The following EIPR1 variants were observed in gnomAD, a reference collection of about 807,000 sequenced individuals.
The protein encoded by EIPR1 is EARP complex and GARP complex interacting protein 1, also known as EARP and GARP complex-interacting protein 1.
A neutral mutation model predicts 48.1 loss-of-function variants in EIPR1; 25 were observed. The observed-to-expected ratio is 0.52, with a 90% CI of 0.38 to 0.73. The LOEUF is 0.73. EIPR1 is among the 30% of genes least tolerant of loss of function. The pLI is 0.00. For synonymous variants in EIPR1, 204 were observed against 201.9 expected (o/e 1.01, Z -0.09); for missense variants, 415 against 506.2 (o/e 0.82, Z 1.73).
intron 2 of EIPR1, among the ~76,000 whole-genome samples, chr2:3,354,333 A>G (rs113810197): frequency 6.6e-6 from 1 of 152,280 alleles, no homozygotes; most frequent in Non-Finnish European, 1.5e-5. Flanking sequence ...TACGGAAGTC[A>G]TGCCAAACAG....
In EIPR1 at chr2:3,238,013, C is replaced by T. The variant is rs530293611; in HGVS notation, c.416+19286G>A. Among the ~76,000 whole-genome samples, 9 of 152,252 alleles carry T rather than the reference C, an allele frequency of 5.9e-5. No homozygotes were observed. The South Asian group carries it at 1.0e-3, about 18-fold the overall frequency. ...CTTCCAAATGTGCAAACAGCTTCAA[C>T]GACAAAGGCTTATCTCACCCAAATG... On this transcript the variant is annotated intron_variant, in intron 4 of 8. Coordinates refer to ENST00000382125, the MANE Select transcript of EIPR1 (RefSeq NM_003310.5).
rs530312744 is a variant in EIPR1 at position 3,310,608 on chromosome 2, C to G, written c.259+27409G>C. Among the ~76,000 whole-genome samples, 575 of 147,270 alleles carry G rather than the reference C, an allele frequency of 3.9e-3. 4 individuals carry two copies. The highest frequency in any genetic ancestry group is 0.013 in the African/African-American group (511 of 39,604). ...GCGGAGCTTGCAGTGAGCCGAGATC[C>G]CGCCACTGCACTCCAGCCTGGGCGA... On this transcript the variant is annotated intron_variant, in intron 3 of 8. Coordinates refer to ENST00000382125, the MANE Select transcript of EIPR1 (RefSeq NM_003310.5).
At chr2:3,322,365 G>A (rs189695294) in intron 3 of EIPR1, among the ~76,000 whole-genome samples, 1 of 152,138 alleles carries the variant, frequency 6.6e-6, no homozygotes, top group African/African-American at 2.4e-5. Flanking sequence ...GTTTTGTCTC[G>A]ATCACAACAA....
chr2:3,232,095 T>C (rs1483100023), intron 4 of EIPR1, among the ~76,000 whole-genome samples: 1 of 152,240 alleles, frequency 6.6e-6, no homozygotes, highest in Non-Finnish European at 1.5e-5. Context: ...TTCTAGGTTA[T>C]CCAATTTGTT....
intron 3 of EIPR1, among the ~76,000 whole-genome samples, chr2:3,267,654 G>A (rs936487346): frequency 6.6e-6 from 1 of 152,266 alleles, no homozygotes; most frequent in African/African-American, 2.4e-5. Context: ...GGCAAGGCCA[G>A]CAGTGCCTGT....
At chr2:3,336,809 A>AG in intron 3 of EIPR1, among the ~76,000 whole-genome samples, 1 of 150,626 alleles carries the variant, frequency 6.6e-6, no homozygotes, top group Admixed American at 6.7e-5. Flanking sequence ...AGAAAAGAAA[A>AG]GGAAAAGAAA....
chr2:3,280,386 G>A (rs1048409467), intron 3 of EIPR1, among the ~76,000 whole-genome samples: 12 of 152,290 alleles, frequency 7.9e-5, no homozygotes, highest in Admixed American at 6.5e-4. Flanking sequence ...CAGGTGCCTC[G>A]AGGCGGCATC....
intron 3 of EIPR1, among the ~76,000 whole-genome samples, chr2:3,292,941 G>C (rs903051770): frequency 6.6e-6 from 1 of 151,928 alleles, no homozygotes; most frequent in Non-Finnish European, 1.5e-5. Flanking sequence ...ACGAGAAAGG[G>C]AGAGAGAACG....
At chr2:3,307,004 A>G (rs1308166329) in intron 3 of EIPR1, among the ~76,000 whole-genome samples, 3 of 151,196 alleles carry the variant, frequency 2.0e-5, no homozygotes, top group Non-Finnish European at 4.4e-5. Flanking sequence ...GTCTTGCTCT[A>G]TTGCCCAGGC....
intron 4 of EIPR1, among the ~76,000 whole-genome samples, chr2:3,249,026 T>C (rs993226998): frequency 6.6e-5 from 10 of 152,192 alleles, no homozygotes; most frequent in Non-Finnish European, 1.2e-4. Context: ...AAAAATGGAC[T>C]AACACATTAA....
chr2:3,251,837 A>G (rs749128301), intron 4 of EIPR1, among the ~76,000 whole-genome samples: 1 of 152,234 alleles, frequency 6.6e-6, no homozygotes, highest in Non-Finnish European at 1.5e-5. Context: ...CAATTTCATA[A>G]TCACACTGTG....
intron 4 of EIPR1, among the ~76,000 whole-genome samples, chr2:3,215,676 A>G (rs747901272): frequency 1.3e-5 from 2 of 152,262 alleles, no homozygotes; most frequent in African/African-American, 2.4e-5. Context: ...AAAGACATCA[A>G]TAAGGTACTA....
intron 3 of EIPR1, among the ~76,000 whole-genome samples, chr2:3,316,944 T>C (rs1023169163): frequency 1.3e-5 from 2 of 152,214 alleles, no homozygotes; most frequent in African/African-American, 2.4e-5. Context: ...AAATAGTGCA[T>C]GTGTGAGCTG....
intron 3 of EIPR1, among the ~76,000 whole-genome samples, chr2:3,295,633 TA>T (rs1668547371): frequency 6.7e-5 from 3 of 44,910 alleles, no homozygotes; most frequent in South Asian, 8.8e-4. Context: ...CCTCTCTACA[TA>T]CACACACCCT....
intron 3 of EIPR1, among the ~76,000 whole-genome samples, chr2:3,283,264 C>T (rs1289145689): frequency 6.6e-6 from 1 of 152,184 alleles, no homozygotes; most frequent in Admixed American, 6.5e-5. Flanking sequence ...AGCACCACCA[C>T]GCTGGGCTGG....
At chr2:3,369,860 G>C (rs948095122) in intron 1 of EIPR1, among the ~76,000 whole-genome samples, 19 of 152,210 alleles carry the variant, frequency 1.2e-4, no homozygotes, top group Non-Finnish European at 1.8e-4. Flanking sequence ...AAATGTCCCT[G>C]TCTGACAGCT....
chr2:3,213,821 A>T (rs1253234327), intron 5 of EIPR1, among the ~76,000 whole-genome samples: 1 of 152,210 alleles, frequency 6.6e-6, no homozygotes, highest in East Asian at 1.9e-4. Flanking sequence ...TACATTCTGA[A>T]TTTAGCCCAA....
chr2:3,294,073 A>G (rs1668453380), intron 3 of EIPR1, among the ~76,000 whole-genome samples: 1 of 152,182 alleles, frequency 6.6e-6, no homozygotes, highest in South Asian at 2.1e-4. Context: ...ACAAAAAATT[A>G]TGTATAACCA....
At chr2:3,333,921 C>T (rs1331644252) in intron 3 of EIPR1, among the ~76,000 whole-genome samples, 1 of 152,180 alleles carries the variant, frequency 6.6e-6, no homozygotes, top group Admixed American at 6.5e-5. Context: ...GTTCTACTGT[C>T]CACACTGGCT....
Sources: allele counts gnomAD v4.1 joint callset (sites outside exome capture counted in the v4.1 genomes callset), GRCh38; gene constraint gnomAD v4.1.1; transcripts MANE v1.5; gene names NCBI Gene and HGNC (gene_info 2026-07-23, HGNC 2026-07-21).